NRG3: variants seen among roughly 807,000 people sequenced by gnomAD.
The protein encoded by NRG3 is pro-neuregulin-3, membrane-bound isoform.
In NRG3, 31 loss-of-function variants were observed where a neutral mutation model predicts 66.9. The observed-to-expected ratio is 0.46, with a 90% CI of 0.35 to 0.63. NRG3 has a LOEUF of 0.63. Ranked by LOEUF, NRG3 falls within the 20% of genes least tolerant of loss-of-function variation. NRG3 has a pLI of 0.00. For synonymous variants in NRG3, 393 were observed against 359.4 expected, an observed-to-expected ratio of 1.09 and a Z score of -1.06; for missense variants, 910 against 878.9, an observed-to-expected ratio of 1.04 and a Z score of -0.45.
intron 1 of NRG3, among the ~76,000 whole-genome samples, chr10:82,326,454 A>ATT (rs200354080): frequency 6.6e-6 from 1 of 151,624 alleles, no homozygotes; most frequent in African/African-American, 2.4e-5. Flanking sequence ...AATTTTCATG[A>ATT]TTTTTTTTAA....
intron 2 of NRG3, among the ~76,000 whole-genome samples, chr10:82,414,761 T>G (rs926253334): frequency 2.0e-5 from 3 of 151,952 alleles, no homozygotes; most frequent in African/African-American, 7.3e-5. Context: ...GAGAGAGAGA[T>G]GATTGATTTT....
At chr10:82,405,939 A>T (rs2087486210) in intron 2 of NRG3, among the ~76,000 whole-genome samples, 1 of 152,098 alleles carries the variant, frequency 6.6e-6, no homozygotes, top group Non-Finnish European at 1.5e-5. Context: ...TCCAACCATT[A>T]GCTCTGGAAT....
chr10:82,546,686 C>G (rs2043940835), intron 2 of NRG3, among the ~76,000 whole-genome samples: 1 of 152,122 alleles, frequency 6.6e-6, no homozygotes, highest in African/African-American at 2.4e-5. Flanking sequence ...AAATTAGTCT[C>G]CACCCAATCA....
intron 1 of NRG3, among the ~76,000 whole-genome samples, chr10:82,071,789 G>A (rs2064819842): frequency 6.6e-6 from 1 of 152,176 alleles, no homozygotes; most frequent in Non-Finnish European, 1.5e-5. Flanking sequence ...GACCATTTAA[G>A]AAGCTATTGT....
At chr10:82,808,158 T>C (rs2135483876) in intron 3 of NRG3, among the ~76,000 whole-genome samples, 1 of 151,828 alleles carries the variant, frequency 6.6e-6, no homozygotes, top group East Asian at 1.9e-4. Flanking sequence ...GAATAATTGC[T>C]CTCATAAATG....
At chr10:82,640,059 A>G (rs981210721) in intron 2 of NRG3, among the ~76,000 whole-genome samples, 7 of 152,166 alleles carry the variant, frequency 4.6e-5, no homozygotes, top group African/African-American at 1.7e-4. Flanking sequence ...GCTAGGGATA[A>G]TGGCCTCCAG....
chr10:82,924,884 G>A (rs978684240), intron 4 of NRG3, among the ~76,000 whole-genome samples: 2 of 152,144 alleles, frequency 1.3e-5, no homozygotes, highest in Non-Finnish European at 2.9e-5. Context: ...TGTTACATAA[G>A]AGTAAAAGTC....
intron 2 of NRG3, among the ~76,000 whole-genome samples, chr10:82,462,529 G>C (rs2091565230): frequency 6.6e-6 from 1 of 152,070 alleles, no homozygotes; most frequent in African/African-American, 2.4e-5. Context: ...TTTTGTTTGG[G>C]GCAGGAGCAT....
At chr10:82,780,542 T>C (rs2060083094) in intron 3 of NRG3, among the ~76,000 whole-genome samples, 2 of 148,856 alleles carry the variant, frequency 1.3e-5, no homozygotes, top group South Asian at 4.3e-4. Flanking sequence ...TGACAAGAGC[T>C]ATTTTATTAT....
intron 1 of NRG3, among the ~76,000 whole-genome samples, chr10:82,107,751 T>C (rs2067155310): frequency 6.6e-6 from 1 of 152,184 alleles, no homozygotes; most frequent in Admixed American, 6.5e-5. Flanking sequence ...TCTGTCTTTG[T>C]TGAATGAATG....
intron 2 of NRG3, among the ~76,000 whole-genome samples, chr10:82,444,751 T>C (rs2090626211): frequency 6.6e-6 from 1 of 152,166 alleles, no homozygotes; most frequent in Non-Finnish European, 1.5e-5. Context: ...GAGAAGCCCA[T>C]AAAAAACAAT....
chr10:81,917,454 T>C (rs1161414324), intron 1 of NRG3, among the ~76,000 whole-genome samples: 1 of 152,156 alleles, frequency 6.6e-6, no homozygotes, highest in Admixed American at 6.6e-5. Context: ...ACTAGATGGA[T>C]GGAAAGATGA....
chr10:82,202,187 C>T (rs1440511491), intron 1 of NRG3, among the ~76,000 whole-genome samples: 1 of 152,222 alleles, frequency 6.6e-6, no homozygotes, highest in Non-Finnish European at 1.5e-5. Context: ...AGAGCCAGCA[C>T]TGTGTTCACT....
intron 1 of NRG3, among the ~76,000 whole-genome samples, chr10:82,130,534 A>G (rs1444955071): frequency 2.0e-5 from 3 of 151,974 alleles, no homozygotes; most frequent in Non-Finnish European, 2.9e-5. Flanking sequence ...TACTGATTTC[A>G]TTTTTTTGGG....
At chr10:82,216,270 T>C (rs2075670345) in intron 1 of NRG3, among the ~76,000 whole-genome samples, 1 of 151,886 alleles carries the variant, frequency 6.6e-6, no homozygotes, top group South Asian at 2.1e-4. Flanking sequence ...CACGAACCAC[T>C]GCGCCTGGCC....
At chr10:81,969,388 C>A (rs1490052532) in intron 1 of NRG3, among the ~76,000 whole-genome samples, 1 of 152,190 alleles carries the variant, frequency 6.6e-6, no homozygotes, top group Non-Finnish European at 1.5e-5. Context: ...CAATAGGTCC[C>A]CTGTGCCTTC....
intron 1 of NRG3, among the ~76,000 whole-genome samples, chr10:82,269,236 G>T (rs2078466484): frequency 6.6e-6 from 1 of 152,076 alleles, no homozygotes; most frequent in Non-Finnish European, 1.5e-5. Context: ...TCTAATAGGA[G>T]GTGGTTGTCT....
At chr10:82,238,753 C>T (rs76782656) in intron 1 of NRG3, among the ~76,000 whole-genome samples, 1,991 of 151,930 alleles carry the variant, frequency 0.013, 19 homozygotes, top group South Asian at 0.025. Flanking sequence ...TTTCAGCTCA[C>T]GTTGTTGTGT....
chr10:82,678,579 G>A (rs943581444), intron 2 of NRG3, among the ~76,000 whole-genome samples: 1 of 152,144 alleles, frequency 6.6e-6, no homozygotes, highest in Non-Finnish European at 1.5e-5. Context: ...TGGGCTCAGA[G>A]GCCTGACACC....
Sources: allele counts gnomAD v4.1 joint callset (sites outside exome capture counted in the v4.1 genomes callset), GRCh38; gene constraint gnomAD v4.1.1; transcripts MANE v1.5; gene names NCBI Gene and HGNC (gene_info 2026-07-23, HGNC 2026-07-21).